MYH14: variants seen among roughly 807,000 people sequenced by gnomAD.
MYH14 encodes the protein myosin heavy chain 14, also known as myosin-14.
In MYH14, 123 loss-of-function variants were observed where a neutral mutation model predicts 255.5. The ratio of observed to expected loss-of-function variants is 0.48; its 90% CI spans 0.42 to 0.56. MYH14 has a LOEUF of 0.56. Among genes scored for constraint, MYH14 ranks in the 20% least tolerant of loss-of-function variants. MYH14 has a pLI of 0.00. For synonymous variants in MYH14, 1,095 were observed against 1,161.2 expected (o/e 0.94, Z 1.16); for missense variants, 2,423 against 2,802.3 (o/e 0.86, Z 3.06).
chr19:50,246,396 C>G (rs1250832779), intron 11 of MYH14, among the ~76,000 whole-genome samples: 1 of 152,102 alleles, frequency 6.6e-6, no homozygotes, highest in Non-Finnish European at 1.5e-5. Context: ...CCACCTTGGC[C>G]TCCCGAAGGG....
At chr19:50,225,724 G>T in intron 7 of MYH14, 47 bp downstream of exon 7, 1 of 1,476,684 alleles carries the variant, frequency 6.8e-7, no homozygotes, top group Non-Finnish European at 9.4e-7. Flanking sequence ...GGATACAGGA[G>T]CTGGGAACCT....
chr19:50,235,414 C>T (rs527770304), intron 10 of MYH14, among the ~76,000 whole-genome samples: 1 of 150,816 alleles, frequency 6.6e-6, no homozygotes, highest in African/African-American at 2.4e-5. Context: ...CAGCTCCCTA[C>T]CCTTCCACTA....
chr19:50,287,635 A>G (rs1239106529), intron 34 of MYH14, among the ~76,000 whole-genome samples: 1 of 151,894 alleles, frequency 6.6e-6, no homozygotes, highest in African/African-American at 2.4e-5. Context: ...CTGGTCCTGA[A>G]CTCCTAGGCT....
At chr19:50,299,657 A>G (rs1460145785) in intron 39 of MYH14, among the ~76,000 whole-genome samples, 2 of 151,300 alleles carry the variant, frequency 1.3e-5, no homozygotes, top group Admixed American at 1.3e-4. Flanking sequence ...TAAAAGACAT[A>G]TATCTGGCCG....
intron 18 of MYH14, 149 bp from the exon 19 acceptor site, chr19:50,258,995 T>C (rs529755765): frequency 1.1e-5 from 12 of 1,061,236 alleles, no homozygotes; most frequent in East Asian, 1.1e-4. Flanking sequence ...GGTTTGAGCA[T>C]TGCTGTCTTC....
intron 40 of MYH14, among the ~76,000 whole-genome samples, chr19:50,302,460 G>A (rs2036521834): frequency 6.6e-6 from 1 of 151,988 alleles, no homozygotes; most frequent in Non-Finnish European, 1.5e-5. Context: ...GCTCATGCCT[G>A]TAGTCCCAGT....
chr19:50,259,161 A>AGCCG lies in MYH14; in HGVS notation c.2250_2251insGCCG (p.Arg751AlafsTer57). On this transcript the variant is annotated frameshift_variant, in exon 19 of 43. Transcript: ENST00000642316. LOFTEE classifies it high-confidence loss of function. Reference sequence around the variant, plus strand: ...CTCCCCAGGCCGGGAAGCTGGAGCCACGGCTGGTGCTGGACCAGCTTCGCT... The same window carrying AGCCG: ...CTCCCCAGGCCGGGAAGCTGGAGCCAGCCGCGGCTGGTGCTGGACCAGCTTCGCT... 1.3e-6 allele frequency: 2 copies of AGCCG among 1,556,892 alleles called. No individual in the cohort carries two copies. Among genetic ancestry groups the AGCCG allele is most frequent in the Non-Finnish European group, 1.7e-6 (2 of 1,149,904 alleles).
rs1251535956 is a variant in MYH14, at chr19:50,309,090, G to A, written c.5873G>A (p.Arg1958His). ...EEEASRAQAG[R>H]RRLQRELEDV... ...GAGGCATCCCGGGCTCAGGCCGGCC[G>A]CCGGAGGCTGCAGCGTGAGCTGGAA... The change falls in exon 42 of 43, where the codon CGC becomes CAC. Residue 1958 changes from arginine to histidine, a missense_variant. Transcript: ENST00000642316. The A allele has an allele frequency of 3.1e-6, 5 of 1,613,796 alleles. No homozygotes were observed. The highest frequency in any genetic ancestry group is 2.2e-5 in the South Asian group (2 of 91,094).
intron 33 of MYH14, chr19:50,284,954 T>C (rs2035847756): frequency 6.8e-6 from 1 of 147,398 alleles, no homozygotes; most frequent in East Asian, 2.0e-4. Context: ...TGGAGTGCAG[T>C]GGCGTGATCT....
At chr19:50,208,375 A>T (rs2031946629) in intron 1 of MYH14, among the ~76,000 whole-genome samples, 2 of 152,306 alleles carry the variant, frequency 1.3e-5, no homozygotes, top group Admixed American at 1.3e-4. Flanking sequence ...AGATCAAGCC[A>T]CTGCACTCCA....
chr19:50,287,379 G>A (rs1449839327), intron 34 of MYH14, among the ~76,000 whole-genome samples: 1 of 152,220 alleles, frequency 6.6e-6, no homozygotes, highest in Non-Finnish European at 1.5e-5. Context: ...CGGGATGTAA[G>A]GAGAATCTTC....
At position 50,254,602 on chromosome 19, in the gene MYH14, G is replaced by A. The variant is rs976158675; in HGVS notation, c.1946-618G>A. 1.9e-4 allele frequency among the ~76,000 whole-genome samples: 29 copies of A among 152,244 alleles called. 2 individuals carry two copies. Among genetic ancestry groups the A allele is most frequent in the African/African-American group, 4.6e-4 (19 of 41,556 alleles). On this transcript the variant is annotated intron_variant, in intron 16 of 42. Coordinates refer to ENST00000642316, the MANE Select transcript of MYH14 (RefSeq NM_001145809.2). ...GCAAAACCTCCTGGCTCAGCCTCCCGAGTAGCTGGGGAGCTGCCATAATGT... is the reference window on the plus strand; with the variant it reads ...GCAAAACCTCCTGGCTCAGCCTCCCAAGTAGCTGGGGAGCTGCCATAATGT...
chr19:50,223,361 C>T lies in MYH14; in HGVS notation c.693+12C>T, dbSNP rs370673291. 1.2e-4 allele frequency: 179 copies of T among 1,544,274 alleles called. No individual in the cohort carries two copies. The Middle Eastern group carries it at 1.5e-3, about 13-fold the overall frequency. Reference sequence around the variant, plus strand: ...AGCCGGGTGTCCCCGTAAGCAACCCCGCCTTGGGTCACCCCCGGGCCCTGC... The same window carrying T: ...AGCCGGGTGTCCCCGTAAGCAACCCTGCCTTGGGTCACCCCCGGGCCCTGC... On this transcript the variant is annotated intron_variant, in intron 5 of 42. Coordinates refer to ENST00000642316, the MANE Select transcript of MYH14 (RefSeq NM_001145809.2).
chr19:50,210,743 G>A lies in MYH14; in HGVS notation c.378G>A (p.Arg126=). Residue 126 remains arginine (R), a synonymous_variant, in exon 2 of 43, where the codon CGG becomes CGA. Transcript: ENST00000642316. ...LNEASVLHNL[R]ERYYSGLIYT... ...AGGCCTCGGTCCTGCACAACCTCCG[G>A]GAGCGGTACTACTCCGGCCTCATCT... 2 of 1,581,018 alleles carry A rather than the reference G, an allele frequency of 1.3e-6. No individual in the cohort carries two copies. The highest frequency in any genetic ancestry group is 8.6e-7 in the Non-Finnish European group (1 of 1,164,346).
At chr19:50,218,374 A>C (rs1405113823) in intron 3 of MYH14, among the ~76,000 whole-genome samples, 3 of 152,046 alleles carry the variant, frequency 2.0e-5, no homozygotes, top group Non-Finnish European at 4.4e-5. Flanking sequence ...AGGCAGGCGG[A>C]TCACGAGGTC....
Position 50,210,804 on chromosome 19 carries a change from G to A in MYH14, c.405+34G>A, listed in dbSNP as rs755396502. On this transcript the variant is annotated intron_variant, in intron 2 of 42. Transcript: ENST00000642316. ...GCTCCTGCTGGGGGGCGCGTGCGGC[G>A]GAGTTGCTGCCGGTTGGGGAACCAG... 229 of 1,531,306 alleles carry A rather than the reference G, an allele frequency of 1.5e-4. 3 individuals are homozygous for A. In the Middle Eastern group the frequency reaches 6.3e-3, roughly 42 times the overall value. The allele number at this position is 1,531,306 out of a possible 1,614,324, so 94.9% of individuals were successfully genotyped here. A position where few individuals can be genotyped will look rare whatever the true frequency, so the allele number is the denominator to read the frequency against.
chr19:50,298,616 T>C (rs2036365809), intron 39 of MYH14, among the ~76,000 whole-genome samples: 1 of 151,524 alleles, frequency 6.6e-6, no homozygotes, highest in African/African-American at 2.4e-5. Context: ...CCAGGCGTGG[T>C]GGCGGGTGCC....
At chr19:50,260,369 G>A (rs867032176) in intron 19 of MYH14, among the ~76,000 whole-genome samples, 4 of 152,298 alleles carry the variant, frequency 2.6e-5, no homozygotes, top group Middle Eastern at 6.8e-3. Flanking sequence ...AGGTCGCAGT[G>A]AGGCAAGATC....
chr19:50,294,434 A>ATT (rs35542007), intron 39 of MYH14, among the ~76,000 whole-genome samples: 3 of 134,542 alleles, frequency 2.2e-5, no homozygotes, highest in Admixed American at 7.7e-5. Flanking sequence ...TTTTTTTCTA[A>ATT]TTTTTTTTTT....
Sources: allele counts gnomAD v4.1 joint callset (sites outside exome capture counted in the v4.1 genomes callset), GRCh38; gene constraint gnomAD v4.1.1; transcripts MANE v1.5; gene names NCBI Gene and HGNC (gene_info 2026-07-23, HGNC 2026-07-21).